The following RGS7 variants were observed in gnomAD, a reference collection of about 807,000 sequenced individuals.
RGS7 encodes regulator of G-protein signaling 7.
RGS7 carries 27 observed loss-of-function variants against 81.1 expected under a neutral mutation model. That is an observed-to-expected ratio of 0.33 (90% confidence interval 0.25 to 0.46). The LOEUF is 0.46. Among genes scored for constraint, RGS7 ranks in the 20% least tolerant of loss-of-function variants. RGS7 has a pLI of 1.00. For missense variants in RGS7, 396 were observed against 607.4 expected (o/e 0.65, Z 3.66); for synonymous variants, 208 against 207.7 (o/e 1.00, Z -0.01).
intron 6 of RGS7, among the ~76,000 whole-genome samples, chr1:240,871,761 C>T (rs1281192365): frequency 6.6e-6 from 1 of 151,986 alleles, no homozygotes; most frequent in Non-Finnish European, 1.5e-5. Flanking sequence ...AGTGAAATAC[C>T]CCTGAGGGTG....
intron 2 of RGS7, among the ~76,000 whole-genome samples, chr1:241,233,469 T>C (rs1419926538): frequency 6.6e-6 from 1 of 152,356 alleles, no homozygotes; most frequent in South Asian, 2.1e-4. Context: ...GTCTCACATA[T>C]GACTGAAATC....
intron 2 of RGS7, among the ~76,000 whole-genome samples, chr1:241,347,337 G>C (rs1292740646): frequency 6.6e-6 from 1 of 152,138 alleles, no homozygotes; most frequent in African/African-American, 2.4e-5. Context: ...CTCAGGGGTG[G>C]GGTGAGAATT....
intron 18 of RGS7, among the ~76,000 whole-genome samples, chr1:240,791,063 A>G (rs1685911061): frequency 6.6e-6 from 1 of 152,210 alleles, no homozygotes; most frequent in Admixed American, 6.5e-5. Flanking sequence ...AACTTCTTTA[A>G]TACCAAAATA....
chr1:241,202,428 T>C (rs1478992656), intron 2 of RGS7, among the ~76,000 whole-genome samples: 1 of 152,186 alleles, frequency 6.6e-6, no homozygotes, highest in African/African-American at 2.4e-5. Flanking sequence ...AGAAAAGGCA[T>C]ACAAATTCAT....
At chr1:241,186,462 C>T (rs1050121025) in intron 2 of RGS7, 18 of 939,608 alleles carry the variant, frequency 1.9e-5, no homozygotes, top group South Asian at 4.9e-5. Flanking sequence ...TACCTGATTG[C>T]TATGGCTCTT....
chr1:240,872,119 G>A (rs543319183), intron 6 of RGS7, among the ~76,000 whole-genome samples: 2 of 152,108 alleles, frequency 1.3e-5, no homozygotes, highest in South Asian at 4.1e-4. Context: ...ATTCTCTAGG[G>A]AAAAAAATGA....
chr1:241,092,739 C>T (rs1248786018), intron 3 of RGS7, among the ~76,000 whole-genome samples: 2 of 152,002 alleles, frequency 1.3e-5, no homozygotes, highest in African/African-American at 4.8e-5. Context: ...CACTCCTTAC[C>T]ACAAAGCAGA....
At chr1:240,955,674 A>G (rs1192232118) in intron 4 of RGS7, among the ~76,000 whole-genome samples, 2 of 152,204 alleles carry the variant, frequency 1.3e-5, no homozygotes, top group South Asian at 2.1e-4. Context: ...AGAGAAATAT[A>G]TAAGTAAAAC....
At chr1:241,147,909 C>G in intron 2 of RGS7, among the ~76,000 whole-genome samples, 1 of 146,550 alleles carries the variant, frequency 6.8e-6, no homozygotes, top group East Asian at 2.0e-4. Context: ...ATTTTTTTCA[C>G]TTAACAAATA....
At chr1:241,067,541 A>G (rs2062139135) in intron 3 of RGS7, among the ~76,000 whole-genome samples, 1 of 146,372 alleles carries the variant, frequency 6.8e-6, no homozygotes, top group Admixed American at 7.0e-5. Context: ...TTTTTTTGAG[A>G]TGGAGTCTCA....
intron 3 of RGS7, among the ~76,000 whole-genome samples, chr1:240,990,516 G>A (rs931592893): frequency 1.3e-5 from 2 of 152,188 alleles, no homozygotes; most frequent in Non-Finnish European, 2.9e-5. Context: ...TTCGTGATGT[G>A]TATATGATTT....
At chr1:240,874,922 A>G (rs1558394402) in intron 6 of RGS7, among the ~76,000 whole-genome samples, 1 of 151,882 alleles carries the variant, frequency 6.6e-6, no homozygotes, top group Non-Finnish European at 1.5e-5. Context: ...GGTGCCTGTA[A>G]TCTCAGCTAC....
intron 3 of RGS7, among the ~76,000 whole-genome samples, chr1:241,073,940 G>A (rs1450211668): frequency 7.0e-6 from 1 of 143,712 alleles, no homozygotes; most frequent in Non-Finnish European, 1.5e-5. Context: ...TTGCTTTGTT[G>A]CCCAGGCTGG....
chr1:240,899,425 G>C (rs911107840), intron 6 of RGS7, among the ~76,000 whole-genome samples: 1 of 152,180 alleles, frequency 6.6e-6, no homozygotes, highest in Non-Finnish European at 1.5e-5. Flanking sequence ...GCTGGTACCA[G>C]TTGTTCCTTT....
intron 9 of RGS7, among the ~76,000 whole-genome samples, chr1:240,834,878 T>G (rs1694457773): frequency 6.6e-6 from 1 of 151,622 alleles, no homozygotes; most frequent in South Asian, 2.1e-4. Context: ...AGTGACTTCA[T>G]ATGATTTATT....
intron 2 of RGS7, among the ~76,000 whole-genome samples, chr1:241,217,542 C>T (rs1002981913): frequency 6.6e-6 from 1 of 152,128 alleles, no homozygotes; most frequent in African/African-American, 2.4e-5. Flanking sequence ...GATTTCAAAA[C>T]ACCCCATAAT....
intron 10 of RGS7, chr1:240,823,159 C>T: frequency 8.7e-7 from 1 of 1,153,914 alleles, no homozygotes; most frequent in Admixed American, 1.7e-5. Context: ...GGGGATTTCC[C>T]CATAGAAGTC....
chr1:241,249,623 T>C (rs536777721), intron 2 of RGS7, among the ~76,000 whole-genome samples: 22 of 152,298 alleles, frequency 1.4e-4, no homozygotes, highest in Admixed American at 1.2e-3. Context: ...GAGATTTCAA[T>C]TGAGATTGCA....
chr1:241,254,667 T>C (rs1332860449), intron 2 of RGS7, among the ~76,000 whole-genome samples: 2 of 152,188 alleles, frequency 1.3e-5, no homozygotes, highest in Non-Finnish European at 2.9e-5. Context: ...ATTCAGTCCA[T>C]AGAAAGATTT....
Sources: allele counts gnomAD v4.1 joint callset (sites outside exome capture counted in the v4.1 genomes callset), GRCh38; gene constraint gnomAD v4.1.1; transcripts MANE v1.5; gene names NCBI Gene and HGNC (gene_info 2026-07-23, HGNC 2026-07-21).